The following MCM3AP variants were observed in gnomAD, a reference collection of about 807,000 sequenced individuals.
The protein encoded by MCM3AP is minichromosome maintenance complex component 3 associated protein.
A neutral mutation model predicts 184.1 loss-of-function variants in MCM3AP; 126 were observed. The ratio of observed to expected loss-of-function variants is 0.68; its 90% CI spans 0.59 to 0.79. The LOEUF (loss-of-function observed/expected upper bound fraction) is 0.79. MCM3AP is among the 30% of genes least tolerant of loss of function. The pLI, the probability that MCM3AP is intolerant of heterozygous loss-of-function variation, is 0.00. For missense variants in MCM3AP, 2,496 were observed against 2,479.2 expected (o/e 1.01, Z -0.14); for synonymous variants, 1,002 against 979.3 (o/e 1.02, Z -0.43).
In MCM3AP at chr21:46,272,815, C is replaced by T. The variant is rs1400211872; in HGVS notation, c.2211G>A (p.Gln737=). 1.1e-5 allele frequency: 17 copies of T among 1,595,648 alleles called. No individual in the cohort carries two copies. In the East Asian group the frequency reaches 3.6e-4, roughly 34 times the overall value. ...ACACCGTCAGGGGGTCACAGAGGTGCTGCTGCGTGATATCCTGGCCACAGG... is the reference window on the plus strand; with the variant it reads ...ACACCGTCAGGGGGTCACAGAGGTGTTGCTGCGTGATATCCTGGCCACAGG... ...TRGIRKDITQ[Q]HLCDPLTVSL... is the part of the protein sequence containing the mutation. Residue 737 remains glutamine, a synonymous_variant, in exon 8 of 28, where the codon CAG becomes CAA. Transcript: ENST00000291688.
chr21:46,261,200 G>C (rs371068799), intron 14 of MCM3AP, 80 bp downstream of exon 14: 117 of 1,536,730 alleles, frequency 7.6e-5, no homozygotes, highest in African/African-American at 5.7e-4. Context: ...GACAATAGCA[G>C]GAGCATCGTG....
At chr21:46,258,737 A>ATGTATGTGTGTGTGTGTG (rs2080994153) in intron 16 of MCM3AP, among the ~76,000 whole-genome samples, 1 of 150,086 alleles carries the variant, frequency 6.7e-6, no homozygotes, top group African/African-American at 2.4e-5. Context: ...CTTATATTGT[A>ATGTATGTGTGTGTGTGTG]TGTGTGTGTG....
intron 2 of MCM3AP, 61 bp from the exon 3 acceptor site, chr21:46,280,636 T>C (rs1457763490): frequency 8.5e-7 from 1 of 1,173,912 alleles, no homozygotes; most frequent in Non-Finnish European, 1.3e-6. Context: ...GAAATGGGAT[T>C]GAAAACTCAA....
intron 20 of MCM3AP, 38 bp downstream of exon 20, chr21:46,251,491 G>C (rs1569059681): frequency 1.2e-5 from 19 of 1,540,356 alleles, no homozygotes; most frequent in Non-Finnish European, 1.7e-5. Context: ...TGAAAGTAAT[G>C]AAAACACAGA....
rs1173317178 is a variant in MCM3AP at position 46,285,234 on chromosome 21, G to A, written c.53C>T (p.Ser18Phe). The A allele has an allele frequency of 6.2e-7, 1 of 1,614,208 alleles. No homozygotes were observed. Among genetic ancestry groups the A allele is most frequent in the Non-Finnish European group, 8.5e-7 (1 of 1,180,004 alleles). ...SGQQPSAFSA[S>F]SSNVGTLPSK... ...TGGAAGTGTTCCTACATTACTAGAA[G>A]ACGCCGAAAAAGCACTAGGCTGCTG... Residue 18 changes from serine to phenylalanine, a missense_variant, in exon 1 of 28, where the codon TCT becomes TTT. Physicochemically the swap from Ser to Phe is radical, Grantham distance 155. Transcript: ENST00000291688.
chr21:46,266,887 C>CA, intron 10 of MCM3AP, 95 bp downstream of exon 10: 1 of 1,369,600 alleles, frequency 7.3e-7, no homozygotes, highest in Non-Finnish European at 1.0e-6. Flanking sequence ...GCACCTTCTT[C>CA]AAGTCAGGCA....
intron 22 of MCM3AP, 92 bp from the exon 23 acceptor site, chr21:46,245,289 G>T: frequency 8.3e-7 from 1 of 1,208,426 alleles, no homozygotes; most frequent in Non-Finnish European, 1.2e-6. Context: ...GTTGCCCACA[G>T]CAGGTAATAC....
At chr21:46,278,692 G>A (rs1193489374) in intron 4 of MCM3AP, among the ~76,000 whole-genome samples, 3 of 147,388 alleles carry the variant, frequency 2.0e-5, no homozygotes, top group Non-Finnish European at 4.5e-5. Context: ...TTTTTTTTTT[G>A]AGATGGGGTC....
At chr21:46,244,392 A>G (rs1461369035) in intron 23 of MCM3AP, among the ~76,000 whole-genome samples, 1 of 151,804 alleles carries the variant, frequency 6.6e-6, no homozygotes, top group African/African-American at 2.4e-5. Context: ...AGAATGTTAA[A>G]TCAGCACTGA....
At chr21:46,245,549 T>G (rs2080752274) in intron 22 of MCM3AP, among the ~76,000 whole-genome samples, 1 of 152,228 alleles carries the variant, frequency 6.6e-6, no homozygotes, top group South Asian at 2.1e-4. Flanking sequence ...TTGGAAGGAC[T>G]AACAGCTTCA....
chr21:46,283,503 AC>A (rs1399817596), intron 2 of MCM3AP, 111 bp downstream of exon 2: 1 of 670,590 alleles, frequency 1.5e-6, no homozygotes, highest in African/African-American at 1.8e-5. Flanking sequence ...ATATTTGAGT[AC>A]TTTCTCTATA....
intron 13 of MCM3AP, among the ~76,000 whole-genome samples, chr21:46,262,018 T>TC (rs2081047405): frequency 6.6e-6 from 1 of 152,210 alleles, no homozygotes; most frequent in Admixed American, 6.5e-5. Context: ...CCCTTGTGGT[T>TC]CCAAGCGTTT....
intron 15 of MCM3AP, among the ~76,000 whole-genome samples, chr21:46,260,320 C>T (rs949030694): frequency 1.3e-5 from 2 of 151,992 alleles, no homozygotes; most frequent in African/African-American, 4.8e-5. Context: ...ACTATGTTGC[C>T]CAGGCTGGAG....
intron 9 of MCM3AP, chr21:46,267,499 G>A (rs1014771709): frequency 5.0e-6 from 1 of 198,044 alleles, no homozygotes; most frequent in Non-Finnish European, 1.0e-5. Flanking sequence ...GGACCCCGGA[G>A]ACCATGGAAT....
At chr21:46,235,666 A>G (rs756879908) in intron 27 of MCM3AP, among the ~76,000 whole-genome samples, 1 of 152,224 alleles carries the variant, frequency 6.6e-6, no homozygotes, top group Non-Finnish European at 1.5e-5. Flanking sequence ...TTCCAGTGTC[A>G]GTCATTTTTC....
chr21:46,255,572 C>T (rs1271535072), intron 17 of MCM3AP, among the ~76,000 whole-genome samples: 1 of 151,948 alleles, frequency 6.6e-6, no homozygotes, highest in Non-Finnish European at 1.5e-5. Flanking sequence ...GTGCCCTAAG[C>T]GCAGGAGGAC....
intron 19 of MCM3AP, chr21:46,252,650 C>T (rs558327573): frequency 1.8e-4 from 27 of 150,888 alleles, no homozygotes; most frequent in African/African-American, 4.4e-4. Flanking sequence ...GTGTACCACA[C>T]GCCAGCCTGG....
At chr21:46,270,766 T>A (rs1045065430) in intron 8 of MCM3AP, among the ~76,000 whole-genome samples, 6 of 152,130 alleles carry the variant, frequency 3.9e-5, no homozygotes, top group African/African-American at 2.4e-5. Flanking sequence ...ATCGCATCAC[T>A]GTACTCCAGC....
Position 46,258,871 on chromosome 21 carries a change from T to C in MCM3AP, c.3734+68A>G. On this transcript the variant is annotated intron_variant, in intron 16 of 27. Transcript: ENST00000291688. ...TGAATACAGAAACTAATAGCTCATA[T>C]ATTTTGAATTTGTTAAAAGACTCTT... is the stretch of plus-strand genomic sequence containing the variant. 7 of 1,537,846 alleles carry C rather than the reference T, an allele frequency of 4.6e-6. No homozygotes were observed. The Middle Eastern group carries it at 5.1e-4, about 112-fold the overall frequency.
Sources: gnomAD v4.1 joint callset for allele counts (sites outside exome capture counted in the v4.1 genomes callset) on GRCh38, gnomAD v4.1.1 for gene constraint, MANE v1.5 for transcripts, NCBI Gene and HGNC (gene_info 2026-07-23, HGNC 2026-07-21) for gene names.